The following PRMT3 variants were observed in gnomAD, a reference collection of about 807,000 sequenced individuals.
The protein encoded by PRMT3 is protein arginine methyltransferase 3, also known as protein arginine N-methyltransferase 3.
In PRMT3, 62 loss-of-function variants were observed where a neutral mutation model predicts 71.9. That is an observed-to-expected ratio of 0.86 (90% confidence interval 0.70 to 1.07). The LOEUF is 1.07. PRMT3 is among the 50% of genes least tolerant of loss of function. PRMT3 has a pLI of 0.00. For synonymous variants in PRMT3, 213 were observed against 220.4 expected (o/e 0.97, Z 0.30); for missense variants, 663 against 643.0 (o/e 1.03, Z -0.34).
chr11:20,447,641 G>C (rs1003177014), intron 10 of PRMT3, among the ~76,000 whole-genome samples: 1 of 152,006 alleles, frequency 6.6e-6, no homozygotes, highest in Non-Finnish European at 1.5e-5. Context: ...TAATCAACCT[G>C]CATTTAACTA....
intron 13 of PRMT3, among the ~76,000 whole-genome samples, chr11:20,466,243 T>TG (rs1850509303): frequency 6.6e-6 from 1 of 152,180 alleles, no homozygotes; most frequent in South Asian, 2.1e-4. Flanking sequence ...CCAGACACAT[T>TG]GGGAGACCTA....
intron 7 of PRMT3, among the ~76,000 whole-genome samples, chr11:20,399,597 A>G (rs1301791654): frequency 6.6e-6 from 1 of 152,184 alleles, no homozygotes; most frequent in Non-Finnish European, 1.5e-5. Flanking sequence ...AAATCACCCC[A>G]TCAGCTTAAA....
chr11:20,456,267 T>C (rs1850265733), intron 11 of PRMT3, among the ~76,000 whole-genome samples: 1 of 152,230 alleles, frequency 6.6e-6, no homozygotes, highest in Non-Finnish European at 1.5e-5. Context: ...CTTAAACATG[T>C]GCTCAGTCTC....
chr11:20,393,533 C>T (rs6483667), intron 5 of PRMT3, among the ~76,000 whole-genome samples: 148,154 of 152,324 alleles, frequency 0.97, 72,374 homozygotes, highest in Middle Eastern at 1. Flanking sequence ...ATTGGTCAGC[C>T]TTTGCAGTAA....
intron 10 of PRMT3, among the ~76,000 whole-genome samples, chr11:20,429,537 G>A (rs544531050): frequency 3.1e-4 from 47 of 152,218 alleles, no homozygotes; most frequent in Non-Finnish European, 1.3e-4. Context: ...TGGAGTCACT[G>A]GAGCCTGAGA....
intron 13 of PRMT3, among the ~76,000 whole-genome samples, chr11:20,484,199 T>C (rs1565233577): frequency 6.6e-6 from 1 of 152,190 alleles, no homozygotes; most frequent in Non-Finnish European, 1.5e-5. Flanking sequence ...AGACTGCCCT[T>C]AAAGGGCTAT....
chr11:20,432,832 C>T (rs1596375), intron 10 of PRMT3, among the ~76,000 whole-genome samples: 123,013 of 152,072 alleles, frequency 0.81, 52,014 homozygotes, highest in Non-Finnish European at 0.95. Context: ...AATATACCTG[C>T]TGGCCTTTTA....
chr11:20,443,682 C>T (rs1039630579), intron 10 of PRMT3, among the ~76,000 whole-genome samples: 3 of 152,130 alleles, frequency 2.0e-5, no homozygotes, highest in African/African-American at 2.4e-5. Flanking sequence ...AAGACCCACA[C>T]GTGCCTTGGG....
chr11:20,444,967 A>G (rs1225317660), intron 10 of PRMT3, among the ~76,000 whole-genome samples: 1 of 152,026 alleles, frequency 6.6e-6, no homozygotes, highest in Non-Finnish European at 1.5e-5. Context: ...TGGCTTCTTT[A>G]TCATTATGAA....
chr11:20,404,273 C>T (rs1396344591), intron 8 of PRMT3, among the ~76,000 whole-genome samples: 5 of 105,156 alleles, frequency 4.8e-5, no homozygotes, highest in African/African-American at 1.9e-4. Flanking sequence ...CTCGCTTTGT[C>T]GCCATGCTGG....
At position 20,497,258 on chromosome 11, in the gene PRMT3, C is replaced by T. The variant is rs569066979; in HGVS notation, c.1486+3004C>T. 3.9e-5 allele frequency among the ~76,000 whole-genome samples: 6 copies of T among 152,224 alleles called. No individual in the cohort carries two copies. The East Asian group carries it at 7.7e-4, about 20-fold the overall frequency. The stretch of plus-strand genomic sequence containing the variant: ...CTTTACCCAGTAATCCTTAGAGTAA[C>T]TGGTTTGTGCTTTGCTCTTAGGTAT... On this transcript the variant is annotated intron_variant, in intron 15 of 15. Transcript: ENST00000331079.
At chr11:20,459,088 A>G (rs893406828) in intron 11 of PRMT3, among the ~76,000 whole-genome samples, 2 of 152,168 alleles carry the variant, frequency 1.3e-5, no homozygotes, top group Non-Finnish European at 2.9e-5. Context: ...TAGTGTGGCC[A>G]TAGACAACAT....
At chr11:20,484,664 G>C (rs1205519992) in intron 13 of PRMT3, among the ~76,000 whole-genome samples, 1 of 152,140 alleles carries the variant, frequency 6.6e-6, no homozygotes, top group Admixed American at 6.6e-5. Flanking sequence ...ACGTGGAACT[G>C]TAAGTCCCAT....
chr11:20,486,456 T>C (rs143522741), intron 13 of PRMT3, among the ~76,000 whole-genome samples: 3 of 152,194 alleles, frequency 2.0e-5, no homozygotes, highest in East Asian at 1.9e-4. Flanking sequence ...AGTAGACTAG[T>C]AGATAATTTC....
intron 9 of PRMT3, among the ~76,000 whole-genome samples, chr11:20,421,965 C>T (rs1849435569): frequency 6.6e-6 from 1 of 152,200 alleles, no homozygotes; most frequent in Non-Finnish European, 1.5e-5. Flanking sequence ...CAGTTGCACT[C>T]CTAGCATGCC....
intron 9 of PRMT3, among the ~76,000 whole-genome samples, chr11:20,418,023 T>A (rs1849346619): frequency 1.3e-5 from 2 of 152,210 alleles, no homozygotes; most frequent in Admixed American, 1.3e-4. Context: ...GCAAGATAAT[T>A]AATCATGATG....
intron 13 of PRMT3, among the ~76,000 whole-genome samples, chr11:20,489,318 C>G (rs736283): frequency 6.6e-6 from 1 of 151,806 alleles, no homozygotes; most frequent in Non-Finnish European, 1.5e-5. Context: ...ATGCTTTTTT[C>G]CCCCTCAGCA....
chr11:20,469,817 T>C (rs56158357), intron 13 of PRMT3, among the ~76,000 whole-genome samples: 2,123 of 152,310 alleles, frequency 0.014, 34 homozygotes, highest in Non-Finnish European at 0.022. Context: ...TTTTTTCTTT[T>C]ATTCTACTTT....
intron 7 of PRMT3, among the ~76,000 whole-genome samples, chr11:20,397,939 C>T (rs867295606): frequency 3.3e-4 from 49 of 147,780 alleles, no homozygotes; most frequent in African/African-American, 1.2e-3. Flanking sequence ...TTTGGGAGCC[C>T]GAGGCAGGAG....
Sources: allele counts gnomAD v4.1 joint callset (sites outside exome capture counted in the v4.1 genomes callset), GRCh38; gene constraint gnomAD v4.1.1; transcripts MANE v1.5; gene names NCBI Gene and HGNC (gene_info 2026-07-23, HGNC 2026-07-21).